The following ODAPH variants were observed in gnomAD, a reference collection of about 807,000 sequenced individuals.
ODAPH encodes the protein amelogenesis imperfecta type IIA4.
ODAPH carries 2 observed loss-of-function variants against 2.8 expected under a neutral mutation model. The observed-to-expected ratio is 0.72, with a 90% confidence interval of 0.30 to 2.28. The LOEUF (loss-of-function observed/expected upper bound fraction) is 2.28, where lower values mean the gene tolerates loss of function less well. Ranked by LOEUF, ODAPH falls within the 30% of genes most tolerant of loss-of-function variation. The probability of loss-of-function intolerance (pLI) is 0.13; values close to 1 mark genes in which losing one functional copy is unlikely to be tolerated. For synonymous variants in ODAPH, 75 were observed against 60.3 expected (o/e 1.24, Z -1.13); for missense variants, 159 against 163.3 (o/e 0.97, Z 0.14).
intron 1 of ODAPH, among the ~76,000 whole-genome samples, chr4:75,562,221 T>C (rs909186288): frequency 2.0e-5 from 3 of 152,054 alleles, no homozygotes; most frequent in Non-Finnish European, 4.4e-5. Context: ...ACTGTGGACA[T>C]AGGCAAGTAA....
Position 75,564,381 on chromosome 4 carries a change from C to G in ODAPH, c.335C>G (p.Thr112Ser). 6.2e-7 allele frequency: 1 copy of G among 1,614,158 alleles called. No homozygotes were observed. Among genetic ancestry groups the G allele is most frequent in the Admixed American group, 1.7e-5 (1 of 60,020 alleles). The change falls in exon 2 of 2, where the codon ACT becomes AGT. Residue 112 changes from threonine to serine, a missense_variant. By Grantham distance (58) the Thr-to-Ser change is moderately conservative. Transcript: ENST00000311623. The part of the protein sequence containing the change: ...QPFYWPHRYL[T>S]YRYFPRRRLQ... ...TTTTATTGGCCACACCGTTACCTTACTTATAGGTATTTCCCCAGAAGAAGA... is the reference window on the plus strand; with the variant it reads ...TTTTATTGGCCACACCGTTACCTTAGTTATAGGTATTTCCCCAGAAGAAGA...
intron 1 of ODAPH, 111 bp downstream of exon 1, chr4:75,556,260 A>G: frequency 1.9e-6 from 2 of 1,076,100 alleles, no homozygotes; most frequent in Non-Finnish European, 2.8e-6. Flanking sequence ...TATTTACCTC[A>G]GCTTCCATCA....
At chr4:75,561,147 C>T (rs1413234794) in intron 1 of ODAPH, among the ~76,000 whole-genome samples, 2 of 145,488 alleles carry the variant, frequency 1.4e-5, no homozygotes, top group Non-Finnish European at 3.0e-5. Flanking sequence ...TGGCGTGAAC[C>T]CGGGAGGCGG....
At position 75,564,469 on chromosome 4, in the gene ODAPH, C is replaced by CA. The variant is rs763292297; in HGVS notation, c.*38dup. 8.9e-5 allele frequency: 143 copies of CA among 1,609,998 alleles called. No individual in the cohort carries two copies. Among genetic ancestry groups the CA allele is most frequent in the Middle Eastern group, 1.7e-4 (1 of 6,058 alleles). The stretch of plus-strand genomic sequence containing the variant: ...GAAGAGAAACCCAAACATACTGAAG[C>CA]AAAAAAAAGCCTATCCTTCAGAAAA... On this transcript the variant is annotated 3_prime_UTR_variant, in exon 2 of 2. Transcript: ENST00000311623.
chr4:75,556,526 C>G, intron 1 of ODAPH: 1 of 1,532,626 alleles, frequency 6.5e-7, no homozygotes, highest in Non-Finnish European at 8.7e-7. Flanking sequence ...CTAACAATTC[C>G]ACTTTGAATT....
rs1460914026 is a variant in ODAPH, at chr4:75,564,701, T to TA, written c.*266dup. 4.5e-6 allele frequency: 3 copies of TA among 663,536 alleles called. No individual in the cohort carries two copies. The African/African-American group carries it at 5.5e-5, about 12-fold the overall frequency. The allele number at this position is 663,536 out of a possible 1,614,324, so 41.1% of individuals were successfully genotyped here. The stretch of plus-strand genomic sequence containing the variant: ...TATGGTCACAGGATATTTATGCAAA[T>TA]AAAATCTTTAAATGGGTGGCTCTAG... On this transcript the variant is annotated 3_prime_UTR_variant, in exon 2 of 2. Coordinates refer to ENST00000311623, the MANE Select transcript of ODAPH (RefSeq NM_178497.5).
chr4:75,559,031 C>T (rs147972436), intron 1 of ODAPH, among the ~76,000 whole-genome samples: 5 of 152,032 alleles, frequency 3.3e-5, no homozygotes, highest in Admixed American at 6.6e-5. Flanking sequence ...AGATTTTCTG[C>T]GACTGAAATT....
chr4:75,557,267 C>T (rs146612161), intron 1 of ODAPH, among the ~76,000 whole-genome samples: 7 of 152,128 alleles, frequency 4.6e-5, no homozygotes, highest in African/African-American at 7.2e-5. Context: ...AAAAGTGAAC[C>T]GCTCTTCAGG....
chr4:75,557,143 T>G (rs1046255778), intron 1 of ODAPH, among the ~76,000 whole-genome samples: 1 of 152,126 alleles, frequency 6.6e-6, no homozygotes, highest in Non-Finnish European at 1.5e-5. Context: ...GCATAGATTA[T>G]GAACAAAACC....
intron 1 of ODAPH, among the ~76,000 whole-genome samples, chr4:75,559,085 A>G (rs1225310780): frequency 6.6e-6 from 1 of 152,214 alleles, no homozygotes; most frequent in African/African-American, 2.4e-5. Flanking sequence ...AGGAACATTC[A>G]AGGTCGGCCT....
downstream of ODAPH, chr4:75,565,173 T>C (rs549876624): frequency 6.3e-4 from 96 of 152,676 alleles, no homozygotes; most frequent in African/African-American, 2.3e-3. Flanking sequence ...ATTTTTTGTA[T>C]TTTTAGTAGA....
In ODAPH at chr4:75,564,277, A is replaced by G; in HGVS notation, c.231A>G (p.Arg77=). The change falls in exon 2 of 2, where the codon CGA becomes CGG. Residue 77 remains arginine (R), a synonymous_variant. Transcript: ENST00000311623. ...TPRCPFHFFP[R]RPRIHFRFPN... ...GGTGTCCCTTCCATTTTTTTCCACG[A>G]AGGCCCAGAATCCATTTTAGGTTTC... 6.2e-7 allele frequency: 1 copy of G among 1,614,204 alleles called. No homozygotes were observed. Among genetic ancestry groups the G allele is most frequent in the Non-Finnish European group, 8.5e-7 (1 of 1,180,032 alleles).
At position 75,561,152 on chromosome 4, in the gene ODAPH, AG is replaced by A. The variant is rs554054515; in HGVS notation, c.68-2960del. Among the ~76,000 whole-genome samples, 25 of 135,808 alleles carry A rather than the reference AG, an allele frequency of 1.8e-4. No homozygotes were observed. The East Asian group carries it at 6.1e-3, about 33-fold the overall frequency. The allele number at this position is 135,808 out of a possible 152,430, so 89.1% of individuals were successfully genotyped here. A position where few individuals can be genotyped will look rare whatever the true frequency, so the allele number is the denominator to read the frequency against. On this transcript the variant is annotated intron_variant, in intron 1 of 1. Coordinates refer to ENST00000311623, the MANE Select transcript of ODAPH (RefSeq NM_178497.5). ...GGCAGGAGAATGGCGTGAACCCGGG[AG>A]GCGGAGCTTGCAGTGAGCCGAGATC... is the stretch of plus-strand genomic sequence containing the variant.
At chr4:75,562,836 C>T (rs1727634901) in intron 1 of ODAPH, among the ~76,000 whole-genome samples, 1 of 152,092 alleles carries the variant, frequency 6.6e-6, no homozygotes, top group Admixed American at 6.5e-5. Context: ...CTTTCTCCTG[C>T]TGCTTGTAGA....
chr4:75,561,084 CGT>C (rs1727549849), intron 1 of ODAPH, among the ~76,000 whole-genome samples: 1 of 151,968 alleles, frequency 6.6e-6, no homozygotes, highest in Non-Finnish European at 1.5e-5. Flanking sequence ...ATTAGCCGGG[CGT>C]GGTGGCGCGC....
rs538753352 is a variant in ODAPH, at chr4:75,561,389, A to G, written c.68-2725A>G. On this transcript the variant is annotated intron_variant, in intron 1 of 1. Transcript: ENST00000311623. ...AGTGTCTCAATCTAGTTTCAGTTTT[A>G]GAATTTCAATGTACCCTGAGTAGCT... Among the ~76,000 whole-genome samples the G allele has an allele frequency of 2.6e-5, 4 of 152,340 alleles. No homozygotes were observed. In the South Asian group the frequency reaches 8.3e-4, roughly 32 times the overall value.
chr4:75,565,322 G>A (rs1254096687), downstream of ODAPH: 1 of 152,028 alleles, frequency 6.6e-6, no homozygotes, highest in Non-Finnish European at 1.5e-5. Flanking sequence ...TTAAACTATA[G>A]TATCTAAATT....
intron 1 of ODAPH, among the ~76,000 whole-genome samples, chr4:75,560,639 A>G (rs1272932693): frequency 6.6e-6 from 1 of 152,228 alleles, no homozygotes; most frequent in Non-Finnish European, 1.5e-5. Context: ...TAAGTGATTG[A>G]AGCAAGCTTA....
chr4:75,562,703 CT>C (rs1727630081), intron 1 of ODAPH, among the ~76,000 whole-genome samples: 2 of 152,122 alleles, frequency 1.3e-5, no homozygotes, highest in Non-Finnish European at 2.9e-5. Flanking sequence ...GAACAATTTT[CT>C]AAAGAAAAGA....
Sources: gnomAD v4.1 joint callset for allele counts (sites outside exome capture counted in the v4.1 genomes callset) on GRCh38, gnomAD v4.1.1 for gene constraint, MANE v1.5 for transcripts, NCBI Gene and HGNC (gene_info 2026-07-23, HGNC 2026-07-21) for gene names.